Variants in DAB2IP observed in about 807,000 individuals in gnomAD.
The protein encoded by DAB2IP is disabled homolog 2-interacting protein.
Under a neutral mutation model 107.2 loss-of-function variants are expected in DAB2IP, and 28 were observed. The observed-to-expected ratio is 0.26, with a 90% CI of 0.19 to 0.36. The LOEUF is 0.36. Ranked by LOEUF, DAB2IP falls within the 10% of genes least tolerant of loss-of-function variation. The pLI is 1.00. For synonymous variants in DAB2IP, 755 were observed against 706.4 expected (o/e 1.07, Z -1.09); for missense variants, 1,400 against 1,644.7 (o/e 0.85, Z 2.57).
At chr9:121,643,111 A>G (rs1231053196) in intron 1 of DAB2IP, among the ~76,000 whole-genome samples, 4 of 152,056 alleles carry the variant, frequency 2.6e-5, no homozygotes, top group African/African-American at 9.7e-5. Flanking sequence ...AAGCCACTAG[A>G]AAGCTCTTTT....
intron 2 of DAB2IP, among the ~76,000 whole-genome samples, chr9:121,690,479 T>TAAAGAGCTGA (rs1424575206): frequency 1.3e-5 from 2 of 152,166 alleles, no homozygotes; most frequent in African/African-American, 4.8e-5. Flanking sequence ...GATGAGGTGT[T>TAAAGAGCTGA]TGTAGCCATC....
chr9:121,637,917 G>C (rs1030487491), intron 1 of DAB2IP, among the ~76,000 whole-genome samples: 1 of 152,182 alleles, frequency 6.6e-6, no homozygotes, highest in East Asian at 1.9e-4. Context: ...CTGTTTTGCT[G>C]TGAGCCTGGC....
At chr9:121,770,186 C>A (rs1204989593) in intron 10 of DAB2IP, among the ~76,000 whole-genome samples, 1 of 152,168 alleles carries the variant, frequency 6.6e-6, no homozygotes, top group African/African-American at 2.4e-5. Context: ...GAGGGGCTGT[C>A]ACAGAAGCCT....
intron 2 of DAB2IP, among the ~76,000 whole-genome samples, chr9:121,696,653 C>A (rs747101640): frequency 1.1e-4 from 16 of 152,226 alleles, no homozygotes; most frequent in Admixed American, 5.2e-4. Flanking sequence ...CTTGATTAAC[C>A]TTGCTTTGTG....
In DAB2IP at chr9:121,635,457, A is replaced by G. The variant is rs1009657216; in HGVS notation, c.41-43221A>G. Among the ~76,000 whole-genome samples, 7 of 152,166 alleles carry G rather than the reference A, an allele frequency of 4.6e-5. No individual in the cohort carries two copies. Among genetic ancestry groups the G allele is most frequent in the African/African-American group, 1.7e-4 (7 of 41,442 alleles). ...CTGGAACTCTGGTCTCTCTGGCCATAGGTTCAGGGCCACCTCCTGTGGACC... is the reference window on the plus strand; with the variant it reads ...CTGGAACTCTGGTCTCTCTGGCCATGGGTTCAGGGCCACCTCCTGTGGACC... On this transcript the variant is annotated intron_variant, in intron 1 of 16. Transcript: ENST00000259371. The surrounding 1 kb of genome is among the most constrained non-coding windows in gnomAD (Gnocchi z 4.3).
In DAB2IP at chr9:121,736,306, C is replaced by T. The variant is rs895380940; in HGVS notation, c.363-20707C>T. The stretch of plus-strand genomic sequence containing the variant: ...CTGGAATGCGCCGCGAGAGCCGGGC[C>T]GCGGGCAAGTGAGGGGCTGGCGGGG... On this transcript the variant is annotated intron_variant, in intron 3 of 15. Transcript: ENST00000408936. The surrounding 1 kb of genome is among the most constrained non-coding windows in gnomAD (Gnocchi z 4.6). Among the ~76,000 whole-genome samples, 3 of 152,322 alleles carry T rather than the reference C, an allele frequency of 2.0e-5. No homozygotes were observed. Among genetic ancestry groups the T allele is most frequent in the Middle Eastern group, 3.4e-3 (1 of 294 alleles).
chr9:121,741,809 C>T lies in DAB2IP; in HGVS notation c.363-15204C>T, dbSNP rs1451361439. Among the ~76,000 whole-genome samples the T allele has an allele frequency of 2.7e-5, 4 of 150,516 alleles. No homozygotes were observed. The Admixed American group carries it at 2.7e-4, about 10-fold the overall frequency. On this transcript the variant is annotated intron_variant, in intron 3 of 15. Coordinates refer to ENST00000408936, the Ensembl canonical transcript of DAB2IP. ...TGAAAGCAGGCTTTTGTTACGCGCT[C>T]ACTCTCAGCAAGGCTTTGTTCTGTA...
intron 15 of DAB2IP, among the ~76,000 whole-genome samples, chr9:121,781,909 A>G (rs1287132256): frequency 6.6e-6 from 1 of 152,148 alleles, no homozygotes; most frequent in African/African-American, 2.4e-5. Flanking sequence ...TCCGGGCTGC[A>G]TTGAGGGGAG....
At chr9:121,569,327 TG>T (rs995477153) in intron 1 of DAB2IP, among the ~76,000 whole-genome samples, 1 of 152,222 alleles carries the variant, frequency 6.6e-6, no homozygotes, top group African/African-American at 2.4e-5. Context: ...TAGGCTAATC[TG>T]AGAGAGATGC....
rs748857051 is a variant in DAB2IP at position 121,699,467 on chromosome 9, G to A, written c.362+9G>A. The A allele has an allele frequency of 3.8e-6, 5 of 1,305,500 alleles. No individual in the cohort carries two copies. Among genetic ancestry groups the A allele is most frequent in the Admixed American group, 6.4e-5 (2 of 31,150 alleles). The allele number at this position is 1,305,500 out of a possible 1,614,324, so 80.9% of individuals were successfully genotyped here. On this transcript the variant is annotated intron_variant, in intron 3 of 15. Coordinates refer to ENST00000408936, the Ensembl canonical transcript of DAB2IP. The surrounding 1 kb of genome is among the most constrained non-coding windows in gnomAD (Gnocchi z 6.2). ...GCCGCGGACAATGAGAGGTGAGCCC[G>A]CCGCCGCCGCCCGGTCCCCCGCGCC... is the stretch of plus-strand genomic sequence containing the variant.
Position 121,599,400 on chromosome 9 carries a change from T to C in DAB2IP, c.40+32172T>C, listed in dbSNP as rs889903585. Among the ~76,000 whole-genome samples, 1 of 151,974 alleles carries C rather than the reference T, an allele frequency of 6.6e-6. No individual in the cohort carries two copies. Among genetic ancestry groups the C allele is most frequent in the African/African-American group, 2.4e-5 (1 of 41,412 alleles). ...GGCGGGGCGGTGGTGGGGAGGTCGA[T>C]TGACCAAACAGGTGCGCCCCCGCCC... is the stretch of plus-strand genomic sequence containing the variant. On this transcript the variant is annotated intron_variant, in intron 1 of 16. Coordinates refer to the DAB2IP transcript ENST00000259371. This position sits in a 1 kb window ranked among gnomAD's most constrained non-coding sequence, Gnocchi z 6.9.
chr9:121,700,757 C>T (rs931211284), intron 3 of DAB2IP, among the ~76,000 whole-genome samples: 2 of 152,188 alleles, frequency 1.3e-5, no homozygotes, highest in African/African-American at 4.8e-5. Context: ...CGTCCCAGAG[C>T]CGCGCTCTCC....
chr9:121,672,917 CA>C (rs1250147972), intron 1 of DAB2IP, among the ~76,000 whole-genome samples: 1 of 152,200 alleles, frequency 6.6e-6, no homozygotes, highest in Non-Finnish European at 1.5e-5. Context: ...TCTGTTTGCC[CA>C]AATTAGAAAA....
chr9:121,773,388 G>A, exon 12 of DAB2IP: 1 of 1,597,770 alleles, frequency 6.3e-7, no homozygotes, highest in Non-Finnish European at 8.5e-7. Context: ...CGGAACCCTG[G>A]CGTCGGCCTC....
At chr9:121,774,394 G>A (rs1267688823) in exon 13 of DAB2IP, 1 of 1,611,294 alleles carries the variant, frequency 6.2e-7, no homozygotes, top group South Asian at 1.1e-5. Flanking sequence ...GTAAGGACGA[G>A]CTCAGCCAAG....
At chr9:121,740,774 C>T (rs867310798) in intron 3 of DAB2IP, among the ~76,000 whole-genome samples, 30 of 152,132 alleles carry the variant, frequency 2.0e-4, no homozygotes, top group African/African-American at 6.8e-4. Flanking sequence ...TTTGGGGTTC[C>T]CAGTTGCTTT....
chr9:121,669,139 C>T lies in DAB2IP; in HGVS notation c.125-9539C>T, dbSNP rs182243784. 2.0e-5 allele frequency among the ~76,000 whole-genome samples: 3 copies of T among 152,168 alleles called. No homozygotes were observed. In the East Asian group the frequency reaches 5.8e-4, roughly 29 times the overall value. On this transcript the variant is annotated intron_variant, in intron 1 of 15. Transcript: ENST00000408936. ...CCATGCTGGCCAGGCTGAGTGTTGG[C>T]CAGGCTGATCTCGAACTCCTGGCCT...
intron 1 of DAB2IP, among the ~76,000 whole-genome samples, chr9:121,586,126 TA>T (rs538656593): frequency 3.3e-5 from 5 of 152,214 alleles, no homozygotes; most frequent in Non-Finnish European, 7.3e-5. Flanking sequence ...CCAGAACATG[TA>T]ACAAACCTGG....
upstream of DAB2IP, among the ~76,000 whole-genome samples, chr9:121,646,915 T>C (rs1274004629): frequency 6.6e-6 from 1 of 152,188 alleles, no homozygotes; most frequent in East Asian, 1.9e-4. Context: ...CTACCCTCTC[T>C]CTGCCTCTTG....
Sources: gnomAD v4.1 joint callset for allele counts (sites outside exome capture counted in the v4.1 genomes callset) on GRCh38, gnomAD v4.1.1 for gene constraint, Gnocchi (gnomAD v3.1) non-coding constraint, MANE v1.5 for transcripts, NCBI Gene and HGNC (gene_info 2026-07-23, HGNC 2026-07-21) for gene names.